The following CARMIL3 variants were observed in gnomAD, a reference collection of about 807,000 sequenced individuals.
CARMIL3 encodes the protein capping protein, Arp2/3 and myosin-I linker protein 3.
In CARMIL3, 88 loss-of-function variants were observed where a neutral mutation model predicts 180.8. The observed-to-expected ratio is 0.49, with a 90% CI of 0.41 to 0.58. The LOEUF is 0.58. CARMIL3 is among the 20% of genes least tolerant of loss of function. The pLI, the probability that CARMIL3 is intolerant of heterozygous loss-of-function variation, is 0.00. For synonymous variants in CARMIL3, 696 were observed against 714.5 expected, an observed-to-expected ratio of 0.97 and a Z score of 0.41; for missense variants, 1,548 against 1,787.0, an observed-to-expected ratio of 0.87 and a Z score of 2.41.
At chr14:24,062,316 G>C in intron 27 of CARMIL3, 164 bp from the exon 28 acceptor site, 1 of 690,500 alleles carries the variant, frequency 1.4e-6, no homozygotes, top group South Asian at 1.6e-5. Context: ...GGAGAAATGA[G>C]TGTCAAGGGC....
chr14:24,060,139 C>A lies in CARMIL3; in HGVS notation c.1963-18C>A, dbSNP rs2035717779. 1 of 1,614,030 alleles carries A rather than the reference C, an allele frequency of 6.2e-7. No homozygotes were observed. The highest frequency in any genetic ancestry group is 8.5e-7 in the Non-Finnish European group (1 of 1,179,982). On this transcript the variant is annotated intron_variant, in intron 23 of 39. Transcript: ENST00000342740. ...CCCCCATCCCCAGGCCCTGACCCAC[C>A]AACCCCATCATCTCCAGATCCAATG...
At position 24,053,699 on chromosome 14, in the gene CARMIL3, C is replaced by G; in HGVS notation, c.41-10C>G. On this transcript the variant is annotated splice_polypyrimidine_tract_variant and intron_variant, in intron 1 of 39. Transcript: ENST00000342740. Reference sequence around the variant, plus strand: ...GGTGAAGCTCTGAGCAGGCTCCCACCCCCCCTCAGACAGCATCCGGAGGTG... The same window carrying G: ...GGTGAAGCTCTGAGCAGGCTCCCACGCCCCCTCAGACAGCATCCGGAGGTG... The G allele has an allele frequency of 6.2e-7, 1 of 1,600,410 alleles. No homozygotes were observed. Among genetic ancestry groups the G allele is most frequent in the East Asian group, 2.2e-5 (1 of 44,802 alleles).
At position 24,058,220 on chromosome 14, in the gene CARMIL3, G is replaced by T; in HGVS notation, c.1388G>T (p.Cys463Phe). Residue 463 changes from cysteine (C) to phenylalanine (F), a missense_variant, in exon 17 of 40, where the codon TGC becomes TTC. By Grantham distance (205) the Cys-to-Phe change is radical. This residue lies in a region of CARMIL3 where 578 missense variants were observed against 666.5 expected (regional missense o/e 0.87). Transcript: ENST00000342740. This position sits in a 1 kb window ranked among gnomAD's most constrained non-coding sequence, Gnocchi z 6.4. ...LSDLHLDLSSCELRSAGAQAL... is the reference protein window; with the variant it reads ...LSDLHLDLSSFELRSAGAQAL... ...GACCTGCACCTGGATCTCAGCAGCTGCGAGGTGAGCCCTCAGTCCCCAACC... is the reference window on the plus strand; with the variant it reads ...GACCTGCACCTGGATCTCAGCAGCTTCGAGGTGAGCCCTCAGTCCCCAACC... 6.2e-7 allele frequency: 1 copy of T among 1,613,340 alleles called. No individual in the cohort carries two copies. Among genetic ancestry groups the T allele is most frequent in the Non-Finnish European group, 8.5e-7 (1 of 1,179,838 alleles).
At position 24,059,396 on chromosome 14, in the gene CARMIL3, G is replaced by A. The variant is rs1304537016; in HGVS notation, c.1753G>A (p.Gly585Arg). 4.4e-6 allele frequency: 7 copies of A among 1,606,444 alleles called. No individual in the cohort carries two copies. The highest frequency in any genetic ancestry group is 1.7e-5 in the Admixed American group (1 of 58,896). Residue 585 changes from glycine (G) to arginine (R), a missense_variant, in exon 21 of 40, where the codon GGG becomes AGG. Physicochemically the swap from Gly to Arg is moderately radical, Grantham distance 125 (BLOSUM62 -2). Coordinates refer to ENST00000342740, the MANE Select transcript of CARMIL3 (RefSeq NM_138360.4). The surrounding 1 kb of genome is among the most constrained non-coding windows in gnomAD (Gnocchi z 6.3). ...DLSGNGMEDI[G>R]AKMLSKALQI... ...GAGCGGCAATGGCATGGAGGACATC[G>A]GGGCCAAGATGCTGTCTAAGGCCCT...
At position 24,062,733 on chromosome 14, in the gene CARMIL3, A is replaced by T. The variant is rs752469507; in HGVS notation, c.2593A>T (p.Thr865Ser). ...SLARHLTQLR[T>S]LSDPPGCPGQ... ...GGCCCGGCACCTGACCCAGCTAAGGACGCTGTCAGATCCACCAGGGTGCCC... is the reference window on the plus strand; with the variant it reads ...GGCCCGGCACCTGACCCAGCTAAGGTCGCTGTCAGATCCACCAGGGTGCCC... The change falls in exon 29 of 40, where the codon ACG becomes TCG. Residue 865 changes from threonine (T) to serine (S), a missense_variant. By Grantham distance (58) the Thr-to-Ser change is moderately conservative. Coordinates refer to ENST00000342740, the MANE Select transcript of CARMIL3 (RefSeq NM_138360.4). 1 of 1,612,128 alleles carries T rather than the reference A, an allele frequency of 6.2e-7. No homozygotes were observed.
intron 34 of CARMIL3, 112 bp downstream of exon 34, chr14:24,065,862 C>A: frequency 6.8e-7 from 1 of 1,461,254 alleles, no homozygotes; most frequent in African/African-American, 1.4e-5. Context: ...GATGCTTTGG[C>A]ATTAGAAGAT....
chr14:24,063,532 G>GT lies in CARMIL3; in HGVS notation c.2979dup (p.Met994TyrfsTer18). 1 of 1,608,522 alleles carries GT rather than the reference G, an allele frequency of 6.2e-7. No homozygotes were observed. Among genetic ancestry groups the GT allele is most frequent in the Non-Finnish European group, 8.5e-7 (1 of 1,178,382 alleles). The stretch of plus-strand genomic sequence containing the variant: ...ACACCTCCAGGACCTGGTCGACCCA[G>GT]TGTGAGTCCCTAAGGCTTCACAAGA... On this transcript the variant is annotated frameshift_variant and splice_region_variant, in exon 31 of 40. Transcript: ENST00000342740. LOFTEE classifies it high-confidence loss of function.
intron 35 of CARMIL3, 46 bp downstream of exon 35, chr14:24,066,510 G>A (rs1164548069): frequency 3.7e-6 from 6 of 1,613,180 alleles, no homozygotes; most frequent in Non-Finnish European, 5.1e-6. Flanking sequence ...CTCTCTCAGG[G>A]GTCAAATTTA....
rs1451758776 is a variant in CARMIL3, at chr14:24,058,462, G to C, written c.1393-218G>C. On this transcript the variant is annotated intron_variant, in intron 17 of 39. Coordinates refer to ENST00000342740, the MANE Select transcript of CARMIL3 (RefSeq NM_138360.4). The surrounding 1 kb of genome is among the most constrained non-coding windows in gnomAD (Gnocchi z 6.4). ...GGAGATACCAGACTTTTCCACCAGA[G>C]GGCAGGAGCAAGCTGTCTTAGGAAT... Among the ~76,000 whole-genome samples, 1 of 152,130 alleles carries C rather than the reference G, an allele frequency of 6.6e-6. No individual in the cohort carries two copies. Among genetic ancestry groups the C allele is most frequent in the Non-Finnish European group, 1.5e-5 (1 of 68,024 alleles).
At position 24,063,163 on chromosome 14, in the gene CARMIL3, G is replaced by C; in HGVS notation, c.2750G>C (p.Arg917Pro). ...AAGCAGAAACGCTGCCGCAAGATTC[G>C]GCCGGTGTCTGCCTTCATCAGTGAG... ...IKKQKRCRKI[R>P]PVSAFISGSP... Residue 917 changes from arginine to proline, a missense_variant, in exon 30 of 40, where the codon CGG becomes CCG. This residue lies in a region of CARMIL3 where 668 missense variants were observed against 687.8 expected (regional missense o/e 0.97). Transcript: ENST00000342740. 6.2e-7 allele frequency: 1 copy of C among 1,613,376 alleles called. No individual in the cohort carries two copies. Among genetic ancestry groups the C allele is most frequent in the South Asian group, 1.1e-5 (1 of 91,078 alleles).
intron 1 of CARMIL3, 103 bp downstream of exon 1, chr14:24,052,296 A>G: frequency 8.6e-7 from 1 of 1,169,242 alleles, no homozygotes; most frequent in Non-Finnish European, 1.2e-6. Context: ...CACACCCCTC[A>G]CCCCATGCAT....
Position 24,069,437 on chromosome 14 carries a change from A to C in CARMIL3, c.*33A>C, listed in dbSNP as rs766333493. ...CACAACACCCTCCTCAGCCCTCGAC[A>C]TGTGCCTCGCAAGGACTCAGACCCC... On this transcript the variant is annotated 3_prime_UTR_variant, in exon 40 of 40. Transcript: ENST00000342740. 1 of 1,613,764 alleles carries C rather than the reference A, an allele frequency of 6.2e-7. No individual in the cohort carries two copies. Among genetic ancestry groups the C allele is most frequent in the Non-Finnish European group, 8.5e-7 (1 of 1,179,924 alleles).
chr14:24,058,951 C>T lies in CARMIL3; in HGVS notation c.1536C>T (p.His512=), dbSNP rs1267799030. The change falls in exon 19 of 40, where the codon CAC becomes CAT. Residue 512 remains histidine, a synonymous_variant. Coordinates refer to ENST00000342740, the MANE Select transcript of CARMIL3 (RefSeq NM_138360.4). The surrounding 1 kb of genome is among the most constrained non-coding windows in gnomAD (Gnocchi z 6.4). ...PALGKNKSLK[H]LFLGKNFNVK... Reference sequence around the variant, plus strand: ...TTGGCAAGAACAAGTCCCTCAAGCACCTGTTTTTGGGCAAGAACTTCAATG... The same window carrying T: ...TTGGCAAGAACAAGTCCCTCAAGCATCTGTTTTTGGGCAAGAACTTCAATG... The T allele has an allele frequency of 6.2e-7, 1 of 1,614,234 alleles. No individual in the cohort carries two copies. The highest frequency in any genetic ancestry group is 8.5e-7 in the Non-Finnish European group (1 of 1,180,044).
Position 24,065,052 on chromosome 14 carries a change from C to T in CARMIL3, c.3175C>T (p.Arg1059Cys), listed in dbSNP as rs774904740. ...KKRRRGLFHFRRPRSFKGDRG... is the reference protein window; with the variant it reads ...KKRRRGLFHFCRPRSFKGDRG... ...GAGGCGCCGGGGCCTGTTTCACTTT[C>T]GCCGGCCCCGGAGCTTCAAGGGGGA... Residue 1059 changes from arginine to cysteine, a missense_variant, in exon 33 of 40, where the codon CGC becomes TGC. By Grantham distance (180) the Arg-to-Cys change is radical (BLOSUM62 -3). Coordinates refer to ENST00000342740, the MANE Select transcript of CARMIL3 (RefSeq NM_138360.4). The T allele has an allele frequency of 9.3e-6, 15 of 1,606,200 alleles. No individual in the cohort carries two copies. Among genetic ancestry groups the T allele is most frequent in the South Asian group, 1.1e-5 (1 of 90,404 alleles).
intron 32 of CARMIL3, 24 bp downstream of exon 32, chr14:24,064,370 AT>A: frequency 6.4e-7 from 1 of 1,562,402 alleles, no homozygotes; most frequent in East Asian, 2.3e-5. Flanking sequence ...ACACACTCCC[AT>A]TTTCAGCAGG....
At chr14:24,065,421 T>A in intron 33 of CARMIL3, 148 bp downstream of exon 33, 8 of 1,053,328 alleles carry the variant, frequency 7.6e-6, no homozygotes, top group Non-Finnish European at 9.4e-6. Context: ...TCCTTGAGAG[T>A]GGACTAAGAC....
intron 32 of CARMIL3, 142 bp downstream of exon 32, chr14:24,064,488 C>A: frequency 1.5e-6 from 1 of 669,236 alleles, no homozygotes; most frequent in South Asian, 1.7e-5. Context: ...ACATTCTCAT[C>A]CTTCCCCACC....
intron 33 of CARMIL3, 66 bp downstream of exon 33, chr14:24,065,339 C>T (rs2035776026): frequency 1.5e-6 from 2 of 1,376,926 alleles, no homozygotes; most frequent in South Asian, 3.0e-5. Context: ...AGTCTCCTAC[C>T]CCACCCCAAG....
rs371545401 is a variant in CARMIL3, at chr14:24,057,168, C to A, written c.1064C>A (p.Ala355Asp). Residue 355 changes from alanine (A) to aspartate (D), a missense_variant and splice_region_variant, in exon 14 of 40, where the codon GCC becomes GAC. This residue lies in a region of CARMIL3 where 578 missense variants were observed against 666.5 expected (regional missense o/e 0.87). Coordinates refer to ENST00000342740, the MANE Select transcript of CARMIL3 (RefSeq NM_138360.4). Reference sequence around the variant, plus strand: ...AACCCCTCTTCCTTCCTACTCCAGGCCCTCTACAGTTTCCTGGCCCAACCC... The same window carrying A: ...AACCCCTCTTCCTTCCTACTCCAGGACCTCTACAGTTTCCTGGCCCAACCC... ...PGLLATDEAN[A>D]LYSFLAQPNA... 9 of 1,613,858 alleles carry A rather than the reference C, an allele frequency of 5.6e-6. No homozygotes were observed. The highest frequency in any genetic ancestry group is 7.6e-6 in the Non-Finnish European group (9 of 1,179,826).
Sources: gnomAD v4.1 joint callset for allele counts (sites outside exome capture counted in the v4.1 genomes callset) on GRCh38, gnomAD v4.1.1 for gene constraint, gnomAD v4.1.1 regional missense constraint, Gnocchi (gnomAD v3.1) non-coding constraint, MANE v1.5 for transcripts, NCBI Gene and HGNC (gene_info 2026-07-23, HGNC 2026-07-21) for gene names.